The following SPATA16 variants were observed in gnomAD, a reference collection of about 807,000 sequenced individuals.
SPATA16 encodes spermatogenesis associated 16.
SPATA16 carries 36 observed loss-of-function variants against 63.3 expected under a neutral mutation model. The observed-to-expected ratio is 0.57, with a 90% CI of 0.44 to 0.75. The LOEUF (loss-of-function observed/expected upper bound fraction) is 0.75, where lower values mean the gene tolerates loss of function less well. SPATA16 is among the 30% of genes least tolerant of loss of function. SPATA16 has a pLI of 0.00. For synonymous variants in SPATA16, 203 were observed against 216.7 expected, an observed-to-expected ratio of 0.94 and a Z score of 0.56; for missense variants, 646 against 679.3, an observed-to-expected ratio of 0.95 and a Z score of 0.54.
intron 2 of SPATA16, among the ~76,000 whole-genome samples, chr3:173,065,156 C>T (rs1367944570): frequency 6.6e-6 from 1 of 152,164 alleles, no homozygotes; most frequent in Non-Finnish European, 1.5e-5. Flanking sequence ...GCTACTAAAA[C>T]CATTTAACCT....
intron 2 of SPATA16, among the ~76,000 whole-genome samples, chr3:173,092,165 A>G (rs1157900263): frequency 2.0e-5 from 3 of 152,148 alleles, no homozygotes; most frequent in Non-Finnish European, 4.4e-5. Flanking sequence ...CAGCAATAAT[A>G]TTCTTTGTGA....
chr3:172,903,737 C>T (rs1032023439), intron 10 of SPATA16, among the ~76,000 whole-genome samples: 1 of 152,066 alleles, frequency 6.6e-6, no homozygotes, highest in Admixed American at 6.5e-5. Context: ...GATATGTCTA[C>T]AAAGGGAAGG....
intron 4 of SPATA16, among the ~76,000 whole-genome samples, chr3:173,012,695 T>C (rs1366426125): frequency 6.6e-6 from 1 of 152,178 alleles, no homozygotes; most frequent in Admixed American, 6.5e-5. Context: ...TCATATTCAA[T>C]AAATGATGCT....
At chr3:172,941,027 AG>A (rs1243926530) in intron 6 of SPATA16, among the ~76,000 whole-genome samples, 3 of 152,136 alleles carry the variant, frequency 2.0e-5, no homozygotes, top group African/African-American at 7.2e-5. Context: ...CATAAAAAAA[AG>A]ATCTCAAGAG....
chr3:172,894,997 T>TA (rs113592613), intron 10 of SPATA16, among the ~76,000 whole-genome samples: 2 of 151,722 alleles, frequency 1.3e-5, no homozygotes, highest in Non-Finnish European at 1.5e-5. Context: ...GTATCATAGT[T>TA]AAAAAAAAAT....
chr3:173,020,466 G>GT (rs1735301044), intron 3 of SPATA16, among the ~76,000 whole-genome samples: 1 of 152,090 alleles, frequency 6.6e-6, no homozygotes, highest in Non-Finnish European at 1.5e-5. Flanking sequence ...TTGGACCTCT[G>GT]TTTTTTCTTG....
intron 3 of SPATA16, among the ~76,000 whole-genome samples, chr3:173,046,591 A>G (rs1360186209): frequency 6.6e-6 from 1 of 152,030 alleles, no homozygotes; most frequent in Non-Finnish European, 1.5e-5. Context: ...ATGCAAATAA[A>G]TGCAAAAAAG....
chr3:173,094,835 C>T (rs111686132), intron 2 of SPATA16, among the ~76,000 whole-genome samples: 10 of 152,210 alleles, frequency 6.6e-5, no homozygotes, highest in African/African-American at 2.4e-4. Context: ...CTCGGAGCAG[C>T]TCCGTTTTAT....
intron 2 of SPATA16, among the ~76,000 whole-genome samples, chr3:173,116,806 A>C (rs1258640663): frequency 1.3e-5 from 2 of 152,220 alleles, no homozygotes; most frequent in African/African-American, 2.4e-5. Context: ...TACGGCTTTT[A>C]TAGGTGGGCA....
chr3:172,920,924 A>C (rs1732602100), intron 8 of SPATA16, among the ~76,000 whole-genome samples: 1 of 152,164 alleles, frequency 6.6e-6, no homozygotes, highest in African/African-American at 2.4e-5. Context: ...CTGAAGTTTT[A>C]ATGCATTGCA....
chr3:173,028,600 C>T (rs555845099), intron 3 of SPATA16, among the ~76,000 whole-genome samples: 1 of 151,594 alleles, frequency 6.6e-6, no homozygotes, highest in Admixed American at 6.6e-5. Flanking sequence ...AATAAAAAAT[C>T]TTAGTTATAA....
At chr3:173,073,386 A>C (rs1736718338) in intron 2 of SPATA16, among the ~76,000 whole-genome samples, 1 of 152,220 alleles carries the variant, frequency 6.6e-6, no homozygotes, top group Non-Finnish European at 1.5e-5. Context: ...CTCCCATCAC[A>C]GGCCTGAAGG....
At chr3:173,042,484 C>T (rs1488455992) in intron 3 of SPATA16, among the ~76,000 whole-genome samples, 2 of 152,070 alleles carry the variant, frequency 1.3e-5, no homozygotes, top group South Asian at 4.2e-4. Flanking sequence ...CCTTGGCCTC[C>T]CAAAGTGTTG....
At chr3:173,020,273 C>T (rs538102286) in intron 3 of SPATA16, among the ~76,000 whole-genome samples, 5 of 146,928 alleles carry the variant, frequency 3.4e-5, no homozygotes, top group African/African-American at 5.0e-5. Context: ...GCCTGGGGGA[C>T]AAGAGCGAGA....
chr3:173,123,404 C>A (rs1300747855), intron 1 of SPATA16, among the ~76,000 whole-genome samples: 2 of 152,064 alleles, frequency 1.3e-5, no homozygotes, highest in Non-Finnish European at 2.9e-5. Flanking sequence ...ATAATATAGT[C>A]CTCTGCATTG....
intron 1 of SPATA16, among the ~76,000 whole-genome samples, chr3:173,127,232 T>C (rs1738249202): frequency 1.3e-5 from 2 of 152,190 alleles, no homozygotes; most frequent in African/African-American, 4.8e-5. Context: ...ATTTATATTA[T>C]TTTTGCTAAG....
chr3:173,077,296 A>G (rs539985722), intron 2 of SPATA16, among the ~76,000 whole-genome samples: 60 of 152,290 alleles, frequency 3.9e-4, no homozygotes, highest in Middle Eastern at 3.4e-3. Flanking sequence ...TCTTCACTTG[A>G]AAAATGGTAG....
intron 5 of SPATA16, among the ~76,000 whole-genome samples, chr3:172,975,844 C>G (rs976098135): frequency 2.6e-5 from 4 of 151,470 alleles, no homozygotes; most frequent in Non-Finnish European, 5.9e-5. Flanking sequence ...AAACCTGACA[C>G]TTTAATATCT....
intron 6 of SPATA16, among the ~76,000 whole-genome samples, chr3:172,930,850 A>T (rs1732855991): frequency 7.3e-6 from 1 of 136,152 alleles, no homozygotes; most frequent in African/African-American, 2.8e-5. Flanking sequence ...CCTTTTTGAG[A>T]GGGAGTTTCA....
Sources: gnomAD v4.1 joint callset for allele counts (sites outside exome capture counted in the v4.1 genomes callset) on GRCh38, gnomAD v4.1.1 for gene constraint, MANE v1.5 for transcripts, NCBI Gene and HGNC (gene_info 2026-07-23, HGNC 2026-07-21) for gene names.